Variants in PDE4D observed in about 807,000 individuals in gnomAD.
PDE4D encodes phosphodiesterase 4D, also known as 3',5'-cyclic-AMP phosphodiesterase 4D.
A neutral mutation model predicts 87.4 loss-of-function variants in PDE4D; 24 were observed. The observed-to-expected ratio is 0.27, with a 90% CI of 0.20 to 0.39. The LOEUF (loss-of-function observed/expected upper bound fraction) is 0.39, where lower values mean the gene tolerates loss of function less well. Ranked by LOEUF, PDE4D falls within the 10% of genes least tolerant of loss-of-function variation. The pLI is 1.00. For synonymous variants in PDE4D, 384 were observed against 383.2 expected (o/e 1.00, Z -0.02); for missense variants, 714 against 1,041.0 (o/e 0.69, Z 4.32).
intron 1 of PDE4D, among the ~76,000 whole-genome samples, chr5:59,778,142 A>G (rs114910600): frequency 0.013 from 2,028 of 152,322 alleles, 53 homozygotes; most frequent in African/African-American, 0.047. Flanking sequence ...TGGGGATACA[A>G]GATTCATTCT....
intron 1 of PDE4D, among the ~76,000 whole-genome samples, chr5:60,455,036 G>A (rs1746365940): frequency 2.0e-5 from 3 of 151,866 alleles, no homozygotes; most frequent in South Asian, 2.1e-4. Flanking sequence ...GAGAATTTGG[G>A]AAAACAGAAG....
intron 1 of PDE4D, among the ~76,000 whole-genome samples, chr5:59,406,515 T>C (rs1791699218): frequency 6.6e-6 from 1 of 150,692 alleles, no homozygotes; most frequent in African/African-American, 2.4e-5. Flanking sequence ...CTCAGCCTTC[T>C]GAGTAGCTGG....
intron 1 of PDE4D, among the ~76,000 whole-genome samples, chr5:59,582,571 T>C (rs1041810475): frequency 2.0e-5 from 3 of 152,340 alleles, no homozygotes; most frequent in African/African-American, 7.2e-5. Flanking sequence ...TACTGATTTA[T>C]ATCTTGCTTC....
At chr5:59,470,503 A>C (rs949778509) in intron 1 of PDE4D, among the ~76,000 whole-genome samples, 5 of 152,202 alleles carry the variant, frequency 3.3e-5, no homozygotes, top group Non-Finnish European at 7.3e-5. Context: ...TCATCAGTGA[A>C]TTAAGCCGAG....
chr5:60,151,134 G>T (rs1275726376), intron 2 of PDE4D, among the ~76,000 whole-genome samples: 1 of 152,128 alleles, frequency 6.6e-6, no homozygotes, highest in Non-Finnish European at 1.5e-5. Context: ...CAAAGATCTT[G>T]TTCAAATTCC....
chr5:59,816,795 C>G (rs1450684571), intron 1 of PDE4D, among the ~76,000 whole-genome samples: 1 of 152,202 alleles, frequency 6.6e-6, no homozygotes, highest in Non-Finnish European at 1.5e-5. Flanking sequence ...AAACACTCCT[C>G]CCCTCCTACA....
At chr5:59,448,027 G>C (rs1798597334) in intron 1 of PDE4D, among the ~76,000 whole-genome samples, 1 of 152,140 alleles carries the variant, frequency 6.6e-6, no homozygotes, top group Non-Finnish European at 1.5e-5. Context: ...GAAATATCAG[G>C]GTGGTTTGTA....
chr5:60,263,435 A>G (rs1443965359), intron 1 of PDE4D, among the ~76,000 whole-genome samples: 1 of 152,342 alleles, frequency 6.6e-6, no homozygotes, highest in Middle Eastern at 3.4e-3. Context: ...GAAGAAATCT[A>G]GGCAAAGAAC....
chr5:59,419,122 G>T (rs914676323), intron 1 of PDE4D, among the ~76,000 whole-genome samples: 1 of 152,104 alleles, frequency 6.6e-6, no homozygotes, highest in African/African-American at 2.4e-5. Context: ...CCTCTTTTTA[G>T]GCACTGCCTT....
intron 3 of PDE4D, among the ~76,000 whole-genome samples, chr5:59,969,689 T>G (rs1760482910): frequency 1.3e-5 from 2 of 152,158 alleles, no homozygotes; most frequent in Non-Finnish European, 2.9e-5. Flanking sequence ...CTCCATACTG[T>G]TCTCGTGATA....
chr5:59,620,995 A>G (rs1830283755), intron 1 of PDE4D, among the ~76,000 whole-genome samples: 1 of 152,024 alleles, frequency 6.6e-6, no homozygotes, highest in African/African-American at 2.4e-5. Flanking sequence ...GAAATCTCCT[A>G]TACTCTCATT....
At chr5:60,414,408 T>C (rs1375333961) in intron 1 of PDE4D, among the ~76,000 whole-genome samples, 1 of 152,198 alleles carries the variant, frequency 6.6e-6, no homozygotes, top group Non-Finnish European at 1.5e-5. Context: ...AAGATATGCA[T>C]TGCCCATCCA....
intron 1 of PDE4D, among the ~76,000 whole-genome samples, chr5:59,234,526 T>C (rs1431692775): frequency 6.6e-6 from 1 of 152,192 alleles, no homozygotes; most frequent in East Asian, 1.9e-4. Context: ...CTAGTAGCAA[T>C]TGTAATTCTT....
intron 1 of PDE4D, among the ~76,000 whole-genome samples, chr5:60,303,108 C>A (rs1230667259): frequency 6.6e-6 from 1 of 152,118 alleles, no homozygotes; most frequent in African/African-American, 2.4e-5. Context: ...GGATTACAGG[C>A]GTGAGCCACC....
intron 1 of PDE4D, chr5:59,314,109 C>T (rs1035931332): frequency 6.6e-6 from 1 of 152,130 alleles, no homozygotes; most frequent in Non-Finnish European, 1.5e-5. Context: ...CTTATGCTTA[C>T]ACTTGGTTCA....
intron 2 of PDE4D, among the ~76,000 whole-genome samples, chr5:60,111,438 A>G (rs915283279): frequency 2.6e-5 from 4 of 152,044 alleles, no homozygotes; most frequent in Non-Finnish European, 4.4e-5. Context: ...AAACAAAAGT[A>G]TCATATATTT....
chr5:60,474,679 T>G (rs1433305156), intron 1 of PDE4D, among the ~76,000 whole-genome samples: 1 of 152,196 alleles, frequency 6.6e-6, no homozygotes, highest in Non-Finnish European at 1.5e-5. Flanking sequence ...TGAGCTTCAC[T>G]AAACATGCGA....
intron 1 of PDE4D, among the ~76,000 whole-genome samples, chr5:60,230,360 C>A (rs937796055): frequency 2.6e-5 from 4 of 151,926 alleles, no homozygotes; most frequent in African/African-American, 9.7e-5. Context: ...AAACAAGTCC[C>A]CATTCTTGAA....
rs1485639346 is a variant in PDE4D at position 59,181,568 on chromosome 5, ATATT to A, written c.759-928_759-925del. 5.0e-4 allele frequency among the ~76,000 whole-genome samples: 63 copies of A among 126,778 alleles called. 3 individuals are homozygous for A. Among genetic ancestry groups the A allele is most frequent in the African/African-American group, 1.8e-3 (61 of 34,704 alleles). 83.2% of individuals were successfully genotyped at this position (126,778 alleles called of 152,430 possible). On this transcript the variant is annotated intron_variant, in intron 4 of 14. Coordinates refer to ENST00000340635, the MANE Select transcript of PDE4D (RefSeq NM_001104631.2). ...GATATATATATATATATATATATAT[ATATT>A]AGGTATATAATAATTATATATATAT...
Sources: gnomAD v4.1 joint callset for allele counts (sites outside exome capture counted in the v4.1 genomes callset) on GRCh38, gnomAD v4.1.1 for gene constraint, MANE v1.5 for transcripts, NCBI Gene and HGNC (gene_info 2026-07-23, HGNC 2026-07-21) for gene names.